Variants in C12orf56 observed in about 807,000 individuals in gnomAD.
C12orf56 encodes the protein uncharacterized protein C12orf56.
Under a neutral mutation model 69.9 loss-of-function variants are expected in C12orf56, and 71 were observed. The observed-to-expected ratio is 1.02, with a 90% CI of 0.84 to 1.24. The LOEUF is 1.24. Ranked by LOEUF, C12orf56 falls within the 50% of genes most tolerant of loss-of-function variation. The pLI, the probability that C12orf56 is intolerant of heterozygous loss-of-function variation, is 0.00. For synonymous variants in C12orf56, 276 were observed against 274.1 expected, an observed-to-expected ratio of 1.01 and a Z score of -0.07; for missense variants, 732 against 738.5, an observed-to-expected ratio of 0.99 and a Z score of 0.10.
At chr12:64,306,436 TAGACAGAG>T (rs2038513461) in intron 5 of C12orf56, among the ~76,000 whole-genome samples, 5 of 149,408 alleles carry the variant, frequency 3.3e-5, no homozygotes, top group Non-Finnish European at 3.0e-5. Context: ...TTTTTTTTTT[TAGACAGAG>T]TCTTCTTCTG....
chr12:64,350,093 G>GA (rs200890156), intron 2 of C12orf56, among the ~76,000 whole-genome samples: 313 of 119,524 alleles, frequency 2.6e-3, no homozygotes, highest in Middle Eastern at 8.7e-3. Flanking sequence ...CTCAGTCTCA[G>GA]AAAAAAAAAA....
At chr12:64,381,947 C>T (rs796534824) in intron 1 of C12orf56, among the ~76,000 whole-genome samples, 2 of 152,126 alleles carry the variant, frequency 1.3e-5, no homozygotes, top group African/African-American at 4.8e-5. Flanking sequence ...CTTGATATAC[C>T]TACCAGGCAG....
chr12:64,356,793 A>G (rs2039323693), intron 1 of C12orf56, among the ~76,000 whole-genome samples: 1 of 152,188 alleles, frequency 6.6e-6, no homozygotes, highest in African/African-American at 2.4e-5. Flanking sequence ...ACAGAGAATA[A>G]GAGAGCTGAA....
rs1035622053 is a variant in C12orf56 at position 64,266,186 on chromosome 12, A to C, written c.*997T>G. On this transcript the variant is annotated 3_prime_UTR_variant, in exon 13 of 13. Coordinates refer to ENST00000543942, the MANE Select transcript of C12orf56 (RefSeq NM_001170633.2). ...AATCACTCTGTAGCTTATACTCCCC[A>C]CAACAGTTTATCTCAGGATGTTTCG... 13 of 152,246 alleles carry C rather than the reference A, an allele frequency of 8.5e-5. No homozygotes were observed. The highest frequency in any genetic ancestry group is 3.1e-4 in the African/African-American group (13 of 41,458). The allele number at this position is 152,246 out of a possible 1,614,324, so 9.4% of individuals were successfully genotyped here. A position where few individuals can be genotyped will look rare whatever the true frequency, so the allele number is the denominator to read the frequency against.
Position 64,355,130 on chromosome 12 carries a change from A to G in C12orf56, c.253-2074T>C, listed in dbSNP as rs534625747. On this transcript the variant is annotated intron_variant, in intron 1 of 12. Transcript: ENST00000543942. ...GGTGCAGGTCAGGCAGAATTCCTGT[A>G]TAAGTTTTTTGAGAGTACCTAGAAT... Among the ~76,000 whole-genome samples, 5 of 150,010 alleles carry G rather than the reference A, an allele frequency of 3.3e-5. No homozygotes were observed. In the South Asian group the frequency reaches 1.1e-3, roughly 32 times the overall value.
At chr12:64,369,507 A>T (rs530058503) in intron 1 of C12orf56, among the ~76,000 whole-genome samples, 4 of 152,018 alleles carry the variant, frequency 2.6e-5, no homozygotes, top group Non-Finnish European at 5.9e-5. Context: ...CTTAAAATGT[A>T]TTTTTTGTTT....
chr12:64,277,343 C>T (rs1462703934), intron 9 of C12orf56, among the ~76,000 whole-genome samples: 1 of 152,000 alleles, frequency 6.6e-6, no homozygotes, highest in Non-Finnish European at 1.5e-5. Context: ...TATGGAATTA[C>T]ATATACATCA....
At chr12:64,368,169 T>C (rs1482039035) in intron 1 of C12orf56, among the ~76,000 whole-genome samples, 1 of 152,002 alleles carries the variant, frequency 6.6e-6, no homozygotes, top group Non-Finnish European at 1.5e-5. Flanking sequence ...AGTAGCGCAA[T>C]CATGGCTACT....
At chr12:64,352,144 G>A (rs1452043175) in intron 2 of C12orf56, among the ~76,000 whole-genome samples, 5 of 150,062 alleles carry the variant, frequency 3.3e-5, no homozygotes, top group African/African-American at 5.0e-5. Flanking sequence ...CAGGCTTTTG[G>A]CTCCCCTCTC....
At position 64,275,371 on chromosome 12, in the gene C12orf56, A is replaced by T. The variant is rs780477060; in HGVS notation, c.1436T>A (p.Leu479Ter). 9.8e-5 allele frequency: 133 copies of T among 1,359,540 alleles called. No individual in the cohort carries two copies. The highest frequency in any genetic ancestry group is 1.3e-4 in the Non-Finnish European group (129 of 1,023,608). 84.2% of individuals were successfully genotyped at this position (1,359,540 alleles called of 1,614,324 possible). ...TGTATACTCCAGAATAAGCTTCTGT[A>T]ACTAGAATTTTCAAGAATAATCAAT... ...ALVRMSFDAE[L>*]QKLILEYTNT... Residue 479 changes from leucine to a stop codon, truncating the protein, a stop_gained and splice_region_variant, in exon 10 of 13, where the codon TTA (leucine) becomes TAA (stop). Transcript: ENST00000543942. LOFTEE classifies it high-confidence loss of function.
chr12:64,383,097 A>T (rs1226328114), intron 1 of C12orf56, among the ~76,000 whole-genome samples: 3 of 152,034 alleles, frequency 2.0e-5, no homozygotes, highest in African/African-American at 4.8e-5. Context: ...CAGGCAGATC[A>T]CTGGAGTCCA....
chr12:64,336,563 A>G (rs745970177), intron 2 of C12orf56, among the ~76,000 whole-genome samples: 1 of 152,214 alleles, frequency 6.6e-6, no homozygotes, highest in Non-Finnish European at 1.5e-5. Flanking sequence ...TACCCTAATT[A>G]GTGTGACAGG....
rs2039620283 is a variant in C12orf56, at chr12:64,374,841, G to C, written c.252+15473C>G. On this transcript the variant is annotated intron_variant, in intron 1 of 12. Coordinates refer to ENST00000543942, the MANE Select transcript of C12orf56 (RefSeq NM_001170633.2). ...TTACAGGTGTGAGCCACCATCCCCAGTCTTTATTTTCAACTTTTAAGTTCA... is the reference window on the plus strand; with the variant it reads ...TTACAGGTGTGAGCCACCATCCCCACTCTTTATTTTCAACTTTTAAGTTCA... 2.6e-5 allele frequency among the ~76,000 whole-genome samples: 4 copies of C among 152,212 alleles called. No homozygotes were observed. In the South Asian group the frequency reaches 8.3e-4, roughly 32 times the overall value.
chr12:64,267,428 GATCT>G, intron 12 of C12orf56, 140 bp from the exon 13 acceptor site: 1 of 662,014 alleles, frequency 1.5e-6, no homozygotes, highest in African/African-American at 1.8e-5. Context: ...AGCATTTTCA[GATCT>G]CCAATCTCCC....
chr12:64,334,323 G>A (rs2038966555), intron 2 of C12orf56, among the ~76,000 whole-genome samples: 1 of 151,944 alleles, frequency 6.6e-6, no homozygotes. Context: ...AAAATATCTA[G>A]GTTTTACATT....
intron 4 of C12orf56, among the ~76,000 whole-genome samples, chr12:64,313,298 G>GAAAGAAAGAAAGAAAGAA (rs1234581270): frequency 6.9e-6 from 1 of 145,850 alleles, no homozygotes; most frequent in African/African-American, 2.5e-5. Context: ...AAGAAAGAAA[G>GAAAGAAAGAAAGAAAGAA]AAATTATTTA....
intron 6 of C12orf56, among the ~76,000 whole-genome samples, chr12:64,286,721 G>C (rs2038206837): frequency 6.6e-6 from 1 of 152,166 alleles, no homozygotes; most frequent in Non-Finnish European, 1.5e-5. Context: ...TAATGTAATT[G>C]CTTTTCTTTT....
At position 64,338,648 on chromosome 12, in the gene C12orf56, TG is replaced by T. The variant is rs2039030151; in HGVS notation, c.416-7617del. 8 of 1,592,490 alleles carry T rather than the reference TG, an allele frequency of 5.0e-6. No individual in the cohort carries two copies. The East Asian group carries it at 1.8e-4, about 36-fold the overall frequency. On this transcript the variant is annotated intron_variant, in intron 2 of 12. Transcript: ENST00000543942. ...ATAATATTCCATAATCTTTAGTCTTTGGGTTTGCACAAACTGACCTTTCTCT... is the reference window on the plus strand; with the variant it reads ...ATAATATTCCATAATCTTTAGTCTTTGGTTTGCACAAACTGACCTTTCTCT...
intron 5 of C12orf56, among the ~76,000 whole-genome samples, chr12:64,306,304 G>A (rs900929035): frequency 6.6e-6 from 1 of 151,736 alleles, no homozygotes; most frequent in Non-Finnish European, 1.5e-5. Context: ...AATGCCAGGA[G>A]ACTCCATTAT....
Sources: allele counts gnomAD v4.1 joint callset (sites outside exome capture counted in the v4.1 genomes callset), GRCh38; gene constraint gnomAD v4.1.1; transcripts MANE v1.5; gene names NCBI Gene and HGNC (gene_info 2026-07-23, HGNC 2026-07-21).